TTLL11: variants seen among roughly 807,000 people sequenced by gnomAD.
The protein encoded by TTLL11 is tubulin tyrosine ligase like 11.
TTLL11 carries 42 observed loss-of-function variants against 51.7 expected under a neutral mutation model. The observed-to-expected ratio is 0.81, with a 90% CI of 0.64 to 1.05. The LOEUF is 1.05. Among genes scored for constraint, TTLL11 ranks in the 50% least tolerant of loss-of-function variants. TTLL11 has a pLI of 0.00. For synonymous variants in TTLL11, 381 were observed against 383.5 expected (o/e 0.99, Z 0.08); for missense variants, 799 against 940.4 (o/e 0.85, Z 1.97).
At chr9:121,885,918 A>C (rs1408918128) in intron 6 of TTLL11, among the ~76,000 whole-genome samples, 2 of 152,186 alleles carry the variant, frequency 1.3e-5, no homozygotes, top group African/African-American at 4.8e-5. Context: ...TAGTAGAGAC[A>C]GAGTTTCTCT....
chr9:122,019,882 C>A (rs140193675), intron 3 of TTLL11, among the ~76,000 whole-genome samples: 1,685 of 152,338 alleles, frequency 0.011, 33 homozygotes, highest in African/African-American at 0.038. Flanking sequence ...ATAAGTCTCA[C>A]AAGATCTGAC....
chr9:122,039,130 C>T, intron 2 of TTLL11, 142 bp downstream of exon 2: 1 of 661,838 alleles, frequency 1.5e-6, no homozygotes, highest in Non-Finnish European at 2.5e-6. Context: ...TCCTTAAAAC[C>T]TTAATGGCTA....
intron 8 of TTLL11, among the ~76,000 whole-genome samples, chr9:121,856,300 T>C (rs1028745174): frequency 4.6e-5 from 7 of 152,160 alleles, no homozygotes; most frequent in African/African-American, 1.7e-4. Context: ...CTCGAACTCC[T>C]AGCCTCAAGT....
At chr9:122,059,695 T>C (rs1845392517) in intron 1 of TTLL11, among the ~76,000 whole-genome samples, 1 of 152,216 alleles carries the variant, frequency 6.6e-6, no homozygotes, top group Non-Finnish European at 1.5e-5. Flanking sequence ...AACACCTATT[T>C]ATTAGTTCAC....
At chr9:121,893,847 C>T (rs1229673038) in intron 6 of TTLL11, among the ~76,000 whole-genome samples, 1 of 152,182 alleles carries the variant, frequency 6.6e-6, no homozygotes, top group Non-Finnish European at 1.5e-5. Context: ...TCTGTGCATA[C>T]AGATATCTGG....
chr9:121,909,782 G>T (rs1189231950), intron 6 of TTLL11, among the ~76,000 whole-genome samples: 1 of 152,200 alleles, frequency 6.6e-6, no homozygotes, highest in African/African-American at 2.4e-5. Flanking sequence ...AGAGCATTCT[G>T]GGCAGGTTTC....
intron 3 of TTLL11, among the ~76,000 whole-genome samples, chr9:122,000,574 C>T (rs1843429671): frequency 6.6e-6 from 1 of 151,792 alleles, no homozygotes; most frequent in African/African-American, 2.4e-5. Flanking sequence ...CAAGAGTGAC[C>T]TCTGGTCATC....
chr9:121,865,650 A>G (rs959062186), intron 7 of TTLL11, among the ~76,000 whole-genome samples: 14 of 152,174 alleles, frequency 9.2e-5, no homozygotes, highest in Non-Finnish European at 1.8e-4. Context: ...AAGCTGAAGA[A>G]TCAATCAGAT....
At chr9:121,827,974 G>A (rs546020594) in intron 8 of TTLL11, among the ~76,000 whole-genome samples, 37 of 152,300 alleles carry the variant, frequency 2.4e-4, no homozygotes, top group African/African-American at 8.9e-4. Flanking sequence ...TTGACGTTCT[G>A]CCAGGCAGAA....
At chr9:121,899,045 G>A (rs1839649861) in intron 6 of TTLL11, among the ~76,000 whole-genome samples, 1 of 152,104 alleles carries the variant, frequency 6.6e-6, no homozygotes, top group African/African-American at 2.4e-5. Context: ...CTGAGCCCCT[G>A]TCAGGGGCCA....
chr9:121,994,172 G>C (rs577626855), intron 3 of TTLL11, among the ~76,000 whole-genome samples: 2 of 152,254 alleles, frequency 1.3e-5, no homozygotes, highest in Non-Finnish European at 2.9e-5. Context: ...GGGCAGAGTG[G>C]GAGACAGAGC....
At chr9:122,023,539 T>C (rs1247293708) in intron 3 of TTLL11, among the ~76,000 whole-genome samples, 1 of 151,726 alleles carries the variant, frequency 6.6e-6, no homozygotes. Flanking sequence ...TAGATGCAAA[T>C]AAAGAACATT....
At chr9:121,827,781 C>T (rs986969205) in intron 8 of TTLL11, among the ~76,000 whole-genome samples, 1 of 150,542 alleles carries the variant, frequency 6.6e-6, no homozygotes, top group African/African-American at 2.4e-5. Flanking sequence ...CTTCAGAGAA[C>T]GTAACCTTTT....
intron 1 of TTLL11, among the ~76,000 whole-genome samples, chr9:122,090,313 C>T (rs1846226429): frequency 6.6e-6 from 1 of 152,130 alleles, no homozygotes; most frequent in Non-Finnish European, 1.5e-5. Context: ...CTGTTAATGG[C>T]TCACATAGCC....
chr9:121,967,284 G>C (rs1842427863), intron 6 of TTLL11, among the ~76,000 whole-genome samples: 1 of 129,988 alleles, frequency 7.7e-6, no homozygotes, highest in South Asian at 2.5e-4. Context: ...GAGTGCAGTG[G>C]CTCCATCTTG....
At chr9:121,872,303 A>G (rs1838385988) in intron 6 of TTLL11, among the ~76,000 whole-genome samples, 1 of 152,126 alleles carries the variant, frequency 6.6e-6, no homozygotes, top group Non-Finnish European at 1.5e-5. Flanking sequence ...CTCATGCCTC[A>G]TCCCTATTTC....
In TTLL11 at chr9:121,831,699, CAAA is replaced by C. The variant is rs35519622; in HGVS notation, c.1841-8823_1841-8821del. Among the ~76,000 whole-genome samples the C allele has an allele frequency of 4.3e-4, 57 of 133,360 alleles. 1 individual carries two copies. The highest frequency in any genetic ancestry group is 2.6e-3 in the Admixed American group (34 of 12,932). 87.5% of individuals were successfully genotyped at this position (133,360 alleles called of 152,430 possible). Reference sequence around the variant, plus strand: ...TGGGCAAGAGAGAGAGACTCTGTCTCAAAAAAAAAAAAAAAAGAATGGTTTTTG... The same window carrying C: ...TGGGCAAGAGAGAGAGACTCTGTCTCAAAAAAAAAAAAAGAATGGTTTTTG... On this transcript the variant is annotated intron_variant, in intron 8 of 8. Coordinates refer to ENST00000321582, the MANE Select transcript of TTLL11 (RefSeq NM_001139442.2).
intron 1 of TTLL11, among the ~76,000 whole-genome samples, chr9:122,045,790 G>C (rs777425347): frequency 1.3e-5 from 2 of 152,164 alleles, no homozygotes; most frequent in Non-Finnish European, 2.9e-5. Flanking sequence ...GAATGAGTCA[G>C]ACACAAAAAG....
Position 122,092,769 on chromosome 9 carries a change from C to T in TTLL11, c.380G>A (p.Arg127Gln), listed in dbSNP as rs1357917812. 1.3e-6 allele frequency: 2 copies of T among 1,538,476 alleles called. No homozygotes were observed. Among genetic ancestry groups the T allele is most frequent in the South Asian group, 1.2e-5 (1 of 84,236 alleles). Residue 127 changes from arginine to glutamine, a missense_variant, in exon 1 of 9, where the codon CGG becomes CAG. Transcript: ENST00000321582. ...CTTGGAGCTGTCCACGGTGACCGGC[C>T]GCTGGGAGCCGTTCTCGCCGGAACC... ...GHGSGENGSQ[R>Q]PVTVDSSKAR...
Sources: allele counts gnomAD v4.1 joint callset (sites outside exome capture counted in the v4.1 genomes callset), GRCh38; gene constraint gnomAD v4.1.1; transcripts MANE v1.5; gene names NCBI Gene and HGNC (gene_info 2026-07-23, HGNC 2026-07-21).